Variants in YAE1 observed in about 807,000 individuals in gnomAD.
YAE1 encodes the protein YAE1 maturation factor of ABCE1, also known as protein YAE1 homolog.
In YAE1, 22 loss-of-function variants were observed where a neutral mutation model predicts 23.0. The ratio of observed to expected loss-of-function variants is 0.96; its 90% confidence interval spans 0.68 to 1.37. The LOEUF (loss-of-function observed/expected upper bound fraction) is 1.37. YAE1 is among the 40% of genes most tolerant of loss of function. The pLI, the probability that YAE1 is intolerant of heterozygous loss-of-function variation, is 0.00. For missense variants in YAE1, 260 were observed against 262.1 expected (o/e 0.99, Z 0.06); for synonymous variants, 101 against 97.0 (o/e 1.04, Z -0.24).
intron 2 of YAE1, among the ~76,000 whole-genome samples, chr7:39,587,437 C>A (rs960897130): frequency 1.3e-5 from 2 of 152,040 alleles, no homozygotes. Context: ...ATCTTTACCA[C>A]CCTTGTACTA....
In YAE1 at chr7:39,569,387, C is replaced by G. The variant is rs556578687; in HGVS notation, c.130-1119C>G. On this transcript the variant is annotated intron_variant, in intron 1 of 2. Coordinates refer to ENST00000223273, the MANE Select transcript of YAE1 (RefSeq NM_020192.5). ...AGATAACTATACAATTTATCTGTGACCAGTGATGGACCCAGAGAGTGTTGT... is the reference window on the plus strand; with the variant it reads ...AGATAACTATACAATTTATCTGTGAGCAGTGATGGACCCAGAGAGTGTTGT... 5 of 418,476 alleles carry G rather than the reference C, an allele frequency of 1.2e-5. No homozygotes were observed. In the East Asian group the frequency reaches 3.0e-4, roughly 25 times the overall value. The allele number at this position is 418,476 out of a possible 1,614,324, so 25.9% of individuals were successfully genotyped here. A position where few individuals can be genotyped will look rare whatever the true frequency, so the allele number is the denominator to read the frequency against.
chr7:39,582,544 T>C (rs1390383128), intron 2 of YAE1, among the ~76,000 whole-genome samples: 3 of 152,340 alleles, frequency 2.0e-5, no homozygotes, highest in South Asian at 4.1e-4. Context: ...ATTTTTATCT[T>C]ATAGGCCAAT....
intron 2 of YAE1, among the ~76,000 whole-genome samples, chr7:39,598,346 G>C (rs1305565098): frequency 6.6e-6 from 1 of 151,448 alleles, no homozygotes; most frequent in Non-Finnish European, 1.5e-5. Flanking sequence ...CCGACCTCAA[G>C]TGATCCACCT....
At chr7:39,605,368 T>C (rs1447926339) in intron 2 of YAE1, among the ~76,000 whole-genome samples, 2 of 152,216 alleles carry the variant, frequency 1.3e-5, no homozygotes, top group Non-Finnish European at 2.9e-5. Context: ...ACATTAACAT[T>C]TGAATCAGAA....
chr7:39,574,098 C>T (rs954899217), downstream of YAE1, among the ~76,000 whole-genome samples: 1 of 151,628 alleles, frequency 6.6e-6, no homozygotes, highest in African/African-American at 2.4e-5. Context: ...CAAGGCCACC[C>T]TAAGTAAAAA....
chr7:39,577,101 G>A (rs1790666449), downstream of YAE1, among the ~76,000 whole-genome samples: 1 of 152,024 alleles, frequency 6.6e-6, no homozygotes, highest in Non-Finnish European at 1.5e-5. Flanking sequence ...TCATCATGTT[G>A]GCCAGGCTGG....
chr7:39,569,893 T>C, intron 1 of YAE1: 1 of 1,113,132 alleles, frequency 9.0e-7, no homozygotes, highest in Non-Finnish European at 1.4e-6. Context: ...CAATGATAAA[T>C]AGTAGGAAGA....
chr7:39,575,502 T>C (rs895935938), downstream of YAE1, among the ~76,000 whole-genome samples: 12 of 150,470 alleles, frequency 8.0e-5, no homozygotes, highest in Admixed American at 6.0e-4. Flanking sequence ...GGTTAGAGCT[T>C]AGTTCTTAGA....
intron 1 of YAE1, chr7:39,570,211 C>T: frequency 1.6e-6 from 1 of 636,060 alleles, no homozygotes; most frequent in Non-Finnish European, 2.7e-6. Context: ...CTGCCGCTTG[C>T]CCACCTCACA....
At chr7:39,610,927 G>A (rs192168069), downstream of YAE1, among the ~76,000 whole-genome samples, 321 of 152,222 alleles carry the variant, frequency 2.1e-3, no homozygotes, top group African/African-American at 7.3e-3. Flanking sequence ...GAGCTGGGCG[G>A]ATCGCTTGAG....
chr7:39,596,025 G>T (rs1790967356), intron 2 of YAE1, among the ~76,000 whole-genome samples: 3 of 152,050 alleles, frequency 2.0e-5, no homozygotes, highest in African/African-American at 7.2e-5. Flanking sequence ...CTTGATATCT[G>T]GTCTTAACAA....
intron 2 of YAE1, among the ~76,000 whole-genome samples, chr7:39,602,730 TTTTG>T (rs146264281): frequency 0.16 from 24,146 of 151,266 alleles, 4,326 homozygotes; most frequent in African/African-American, 0.44. Flanking sequence ...AAGTTTGGTT[TTTTG>T]TTTGTTTGTT....
rs778649924 is a variant in YAE1 at position 39,570,548 on chromosome 7, C to G, written c.172C>G (p.Leu58Val). The G allele has an allele frequency of 3.1e-6, 5 of 1,611,660 alleles. No individual in the cohort carries two copies. In the African/African-American group the frequency reaches 6.7e-5, roughly 22 times the overall value. Residue 58 changes from leucine (L) to valine (V), a missense_variant, in exon 2 of 3, where the codon CTT becomes GTT. By Grantham distance (32) the Leu-to-Val change is conservative. Coordinates refer to ENST00000223273, the MANE Select transcript of YAE1 (RefSeq NM_020192.5). ...DGIDAGKAVTLQQGFNQGYKK... is the reference protein window; with the variant it reads ...DGIDAGKAVTVQQGFNQGYKK... ...AATAGATGCTGGCAAAGCAGTTACT[C>G]TTCAACAGGGCTTCAATCAAGGTTA...
downstream of YAE1, among the ~76,000 whole-genome samples, chr7:39,577,126 C>CCAAA (rs1319469127): frequency 6.6e-6 from 1 of 152,194 alleles, no homozygotes; most frequent in African/African-American, 2.4e-5. Flanking sequence ...AAACTCCTGA[C>CCAAA]CTCAGGTGAT....
chr7:39,585,344 AC>A (rs1282031949), intron 2 of YAE1, among the ~76,000 whole-genome samples: 1 of 152,170 alleles, frequency 6.6e-6, no homozygotes, highest in Non-Finnish European at 1.5e-5. Context: ...GTGTGCCCTA[AC>A]CCAGTCTGAC....
At chr7:39,607,006 C>A (rs1583687014) in intron 2 of YAE1, among the ~76,000 whole-genome samples, 2 of 152,178 alleles carry the variant, frequency 1.3e-5, no homozygotes, top group African/African-American at 4.8e-5. Context: ...TGCTTGCTAT[C>A]AACAATTATG....
At chr7:39,594,777 G>A (rs1583680809) in intron 2 of YAE1, among the ~76,000 whole-genome samples, 1 of 152,048 alleles carries the variant, frequency 6.6e-6, no homozygotes, top group Non-Finnish European at 1.5e-5. Context: ...TGTATTTTTA[G>A]TAGAGATGGG....
chr7:39,609,780 C>T (rs1791182277), exon 3 of YAE1: 5 of 1,532,678 alleles, frequency 3.3e-6, no homozygotes, highest in Non-Finnish European at 4.4e-6. Context: ...GAGCCTGGTT[C>T]CCCAAAGCGG....
intron 2 of YAE1, among the ~76,000 whole-genome samples, chr7:39,589,425 G>A (rs557371751): frequency 8.6e-5 from 13 of 151,948 alleles, no homozygotes; most frequent in Middle Eastern, 3.4e-3. Context: ...GCACCACCAC[G>A]CCTGGCTAAT....
Sources: gnomAD v4.1 joint callset for allele counts (sites outside exome capture counted in the v4.1 genomes callset) on GRCh38, gnomAD v4.1.1 for gene constraint, MANE v1.5 for transcripts, NCBI Gene and HGNC (gene_info 2026-07-23, HGNC 2026-07-21) for gene names.